DYDC2: variants seen among roughly 807,000 people sequenced by gnomAD.
The protein encoded by DYDC2 is DPY30 domain-containing protein 2.
In DYDC2, 19 loss-of-function variants were observed where a neutral mutation model predicts 18.7. The ratio of observed to expected loss-of-function variants is 1.02; its 90% CI spans 0.71 to 1.49. The LOEUF (loss-of-function observed/expected upper bound fraction) is 1.49, where lower values mean the gene tolerates loss of function less well. Among genes scored for constraint, DYDC2 ranks in the 40% most tolerant of loss-of-function variants. DYDC2 has a pLI of 0.00. For missense variants in DYDC2, 179 were observed against 205.1 expected (o/e 0.87, Z 0.78); for synonymous variants, 63 against 67.6 (o/e 0.93, Z 0.34).
chr10:80,355,875 A>C (rs754488699), upstream of DYDC2, among the ~76,000 whole-genome samples: 5 of 152,108 alleles, frequency 3.3e-5, no homozygotes, highest in African/African-American at 7.2e-5. Flanking sequence ...CAGAGAAAAG[A>C]ATTATTACAA....
At chr10:80,356,714 C>T, upstream of DYDC2, 1 of 985,040 alleles carries the variant, frequency 1.0e-6, no homozygotes, top group Non-Finnish European at 1.2e-6. Flanking sequence ...GCGCTCACCC[C>T]TACACACGCG....
chr10:80,366,902 A>G lies in DYDC2; in HGVS notation c.485A>G (p.Gln162Arg), dbSNP rs1843855795. The G allele has an allele frequency of 6.2e-7, 1 of 1,614,074 alleles. No individual in the cohort carries two copies. The highest frequency in any genetic ancestry group is 1.6e-4 in the Middle Eastern group (1 of 6,062). ...GAAATAAATTACAAGGAGGCTTTTC[A>G]GCATGAAGTTGCTCATGAAATGCCT... ...PQEINYKEAF[Q>R]HEVAHEMPPG... The change falls in exon 5 of 5, where the codon CAG becomes CGG. Residue 162 changes from glutamine (Q) to arginine (R), a missense_variant. Coordinates refer to ENST00000256039, the MANE Select transcript of DYDC2 (RefSeq NM_032372.6).
chr10:80,350,992 ACAT>A (rs1321395522), intron 1 of DYDC2, among the ~76,000 whole-genome samples: 2 of 152,164 alleles, frequency 1.3e-5, no homozygotes, highest in African/African-American at 4.8e-5. Context: ...GAAGAGAATC[ACAT>A]CATCACATAA....
chr10:80,357,807 G>C (rs1047774885), intron 1 of DYDC2, 86 bp from the exon 2 acceptor site: 3 of 985,624 alleles, frequency 3.0e-6, no homozygotes, highest in Non-Finnish European at 3.6e-6. Context: ...GCTAGTAAAT[G>C]CCAGATTGGG....
chr10:80,345,393 T>C (rs1025088063), intron 1 of DYDC2, among the ~76,000 whole-genome samples: 3 of 152,206 alleles, frequency 2.0e-5, no homozygotes, highest in African/African-American at 7.2e-5. Context: ...GCAATTTCAA[T>C]ATCCATCATC....
chr10:80,356,463 G>A (rs1843374055), upstream of DYDC2: 1 of 985,358 alleles, frequency 1.0e-6, no homozygotes. Context: ...GCTCAGTGTG[G>A]TTTTCCCACC....
intron 4 of DYDC2, among the ~76,000 whole-genome samples, chr10:80,365,983 CT>C (rs1455248953): frequency 6.8e-6 from 1 of 147,308 alleles, no homozygotes; most frequent in Non-Finnish European, 1.5e-5. Flanking sequence ...CTGTCCTTGT[CT>C]GTTAATTCCA....
At chr10:80,358,434 T>C (rs867251455) in intron 2 of DYDC2, among the ~76,000 whole-genome samples, 1 of 152,190 alleles carries the variant, frequency 6.6e-6, no homozygotes, top group Admixed American at 6.5e-5. Flanking sequence ...CCTCAGATTA[T>C]GGCTCTATGC....
upstream of DYDC2, chr10:80,356,596 G>C (rs910701586): frequency 1.0e-6 from 1 of 985,536 alleles, no homozygotes; most frequent in African/African-American, 1.7e-5. Flanking sequence ...CTCCGCCTCA[G>C]GTGAGTCCTG....
chr10:80,366,901 C>T lies in DYDC2; in HGVS notation c.484C>T (p.Gln162Ter). 6.2e-7 allele frequency: 1 copy of T among 1,614,070 alleles called. No individual in the cohort carries two copies. ...AGAAATAAATTACAAGGAGGCTTTT[C>T]AGCATGAAGTTGCTCATGAAATGCC... Reference protein sequence around the residue: ...PQEINYKEAFQHEVAHEMPPG... With the variant: ...PQEINYKEAF Residue 162 changes from glutamine to a stop codon, truncating the protein, a stop_gained, in exon 5 of 5, where the codon CAG (glutamine) becomes TAG (stop). Transcript: ENST00000256039. LOFTEE classifies it high-confidence loss of function.
chr10:80,362,292 G>C (rs1843686971), intron 2 of DYDC2, 143 bp from the exon 3 acceptor site: 1 of 1,209,500 alleles, frequency 8.3e-7, no homozygotes, highest in Non-Finnish European at 1.1e-6. Context: ...GCAAGTAAGT[G>C]TTTGTTGGTT....
chr10:80,358,612 G>A (rs1410476247), intron 2 of DYDC2, among the ~76,000 whole-genome samples: 1 of 152,214 alleles, frequency 6.6e-6, no homozygotes, highest in African/African-American at 2.4e-5. Flanking sequence ...CAGAGTTGGT[G>A]ATTCTGCCTT....
At chr10:80,358,590 G>C (rs1312709412) in intron 2 of DYDC2, among the ~76,000 whole-genome samples, 1 of 152,174 alleles carries the variant, frequency 6.6e-6, no homozygotes, top group African/African-American at 2.4e-5. Flanking sequence ...GCCACCCCCT[G>C]ACTAGAGAAT....
chr10:80,359,700 G>A (rs971037625), intron 2 of DYDC2, among the ~76,000 whole-genome samples: 34 of 152,280 alleles, frequency 2.2e-4, no homozygotes, highest in African/African-American at 7.9e-4. Context: ...CACTGCTGGG[G>A]GACCCAGCAC....
rs1589537560 is a variant in DYDC2, at chr10:80,367,967, A to G, written c.*1016A>G. 6.6e-6 allele frequency: 1 copy of G among 151,968 alleles called. No individual in the cohort carries two copies. The highest frequency in any genetic ancestry group is 6.6e-5 in the Admixed American group (1 of 15,256). The allele number at this position is 151,968 out of a possible 1,614,324, so 9.4% of individuals were successfully genotyped here. On this transcript the variant is annotated 3_prime_UTR_variant, in exon 5 of 5. Transcript: ENST00000256039. Reference sequence around the variant, plus strand: ...GAAACTCTACACCCATTAAAAAATAACTCGCCATTTCTCTCTCTCCCCAGC... The same window carrying G: ...GAAACTCTACACCCATTAAAAAATAGCTCGCCATTTCTCTCTCTCCCCAGC...
Position 80,362,945 on chromosome 10 carries a change from C to T in DYDC2, c.148-6C>T, listed in dbSNP as rs1035147748. ...GACCTGATTTGACTCTGTCACCTCA[C>T]CCCAGAATAGGGAAAAGAAGATCCA... On this transcript the variant is annotated splice_polypyrimidine_tract_variant and splice_region_variant and intron_variant, in intron 3 of 4. Coordinates refer to ENST00000256039, the MANE Select transcript of DYDC2 (RefSeq NM_032372.6). 3 of 1,611,572 alleles carry T rather than the reference C, an allele frequency of 1.9e-6. No individual in the cohort carries two copies. In the African/African-American group the frequency reaches 4.0e-5, roughly 22 times the overall value.
At chr10:80,355,353 A>G (rs553432029), upstream of DYDC2, among the ~76,000 whole-genome samples, 177 of 152,106 alleles carry the variant, frequency 1.2e-3, no homozygotes, top group Non-Finnish European at 1.9e-3. Context: ...ATTTTATGCC[A>G]TAACTATGTG....
Position 80,345,868 on chromosome 10 carries a change from G to A in DYDC2, c.-310+1053G>A, listed in dbSNP as rs140551152. On this transcript the variant is annotated intron_variant, in intron 1 of 4. Coordinates refer to the DYDC2 transcript ENST00000372197. ...GATATACATGAGAAATACATCTTACGTTTTTTCAAGACAGGGTCTTGCTCT... is the reference window on the plus strand; with the variant it reads ...GATATACATGAGAAATACATCTTACATTTTTTCAAGACAGGGTCTTGCTCT... 1.3e-3 allele frequency among the ~76,000 whole-genome samples: 205 copies of A among 152,158 alleles called. 1 individual carries two copies. The highest frequency in any genetic ancestry group is 4.6e-3 in the African/African-American group (192 of 41,522).
chr10:80,359,101 C>T lies in DYDC2; in HGVS notation c.-10+1056C>T, dbSNP rs553619944. ...GGCAGCCTGCTTTTATTCCCTTATC[C>T]GGCCCTACCCACATCCTGCTGATTG... On this transcript the variant is annotated intron_variant, in intron 2 of 4. Transcript: ENST00000256039. 8.5e-5 allele frequency among the ~76,000 whole-genome samples: 13 copies of T among 152,310 alleles called. No homozygotes were observed. In the South Asian group the frequency reaches 1.2e-3, roughly 15 times the overall value.
Sources: allele counts gnomAD v4.1 joint callset (sites outside exome capture counted in the v4.1 genomes callset), GRCh38; gene constraint gnomAD v4.1.1; transcripts MANE v1.5; gene names NCBI Gene and HGNC (gene_info 2026-07-23, HGNC 2026-07-21).